The following WFS1 variants were observed in gnomAD, a reference collection of about 807,000 sequenced individuals.
WFS1 encodes wolframin.
WFS1 carries 90 observed loss-of-function variants against 68.5 expected under a neutral mutation model. The ratio of observed to expected loss-of-function variants is 1.31; its 90% CI spans 1.11 to 1.56. The LOEUF is 1.56. Ranked by LOEUF, WFS1 falls within the 40% of genes most tolerant of loss-of-function variation. The pLI is 0.00. For missense variants in WFS1, 1,767 were observed against 1,232.6 expected, an observed-to-expected ratio of 1.43 and a Z score of -6.49; for synonymous variants, 860 against 540.7, an observed-to-expected ratio of 1.59 and a Z score of -8.19.
At chr4:6,278,146 C>T (rs1183763696) in intron 2 of WFS1, among the ~76,000 whole-genome samples, 1 of 152,224 alleles carries the variant, frequency 6.6e-6, no homozygotes, top group African/African-American at 2.4e-5. Context: ...CCTTCACCTC[C>T]ATCCTGAGGC....
Position 6,291,953 on chromosome 4 carries a change from T to C in WFS1, c.668T>C (p.Leu223Pro). 1 of 1,611,304 alleles carries C rather than the reference T, an allele frequency of 6.2e-7. No individual in the cohort carries two copies. Among genetic ancestry groups the C allele is most frequent in the Non-Finnish European group, 8.5e-7 (1 of 1,179,416 alleles). ...GAQPGPVPKS[L>P]QKQRRMLERL... ...CAGCCAGGCCCCGTGCCCAAGTCCC[T>C]GCAGAAGCAGAGGCGCATGCTGGAG... Residue 223 changes from leucine (L) to proline (P), a missense_variant, in exon 6 of 8, where the codon CTG becomes CCG. Physicochemically the swap from Leu to Pro is moderately conservative, Grantham distance 98 (BLOSUM62 -3). Coordinates refer to ENST00000226760, the MANE Select transcript of WFS1 (RefSeq NM_006005.3).
chr4:6,299,499 T>C, intron 7 of WFS1, among the ~76,000 whole-genome samples: 2 of 144,938 alleles, frequency 1.4e-5, no homozygotes, highest in African/African-American at 5.4e-5. Flanking sequence ...CACGTGTGTG[T>C]AGGGGTGGGT....
intron 7 of WFS1, among the ~76,000 whole-genome samples, chr4:6,299,570 C>T (rs1309819205): frequency 2.8e-5 from 1 of 36,036 alleles, no homozygotes. Flanking sequence ...GGGTGGGTTG[C>T]GTGTGTGTGA....
chr4:6,300,554 C>T (rs1178304974), intron 7 of WFS1, 103 bp from the exon 8 acceptor site: 23 of 1,542,594 alleles, frequency 1.5e-5, no homozygotes, highest in South Asian at 5.9e-5. Flanking sequence ...CGCAAGGGTG[C>T]GGGTTCCTTT....
chr4:6,301,852 C>T lies in WFS1; in HGVS notation c.2057C>T (p.Thr686Ile), dbSNP rs762044038. 1.5e-5 allele frequency: 24 copies of T among 1,612,904 alleles called. No individual in the cohort carries two copies. The highest frequency in any genetic ancestry group is 1.9e-5 in the Non-Finnish European group (23 of 1,179,908). ...TGGAAGGAGACCAACATGGCGCGCA[C>T]CCAGATCCTCTGCAGCCACCTGGAG... is the stretch of plus-strand genomic sequence containing the variant. ...RAWKETNMAR[T>I]QILCSHLEGH... The change falls in exon 8 of 8, where the codon ACC becomes ATC. Residue 686 changes from threonine to isoleucine, a missense_variant. Coordinates refer to ENST00000226760, the MANE Select transcript of WFS1 (RefSeq NM_006005.3).
In WFS1 at chr4:6,287,294, C is replaced by T. The variant is rs1730342730; in HGVS notation, c.315+119C>T. 3.3e-6 allele frequency: 3 copies of T among 898,216 alleles called. No homozygotes were observed. The highest frequency in any genetic ancestry group is 1.4e-5 in the South Asian group (1 of 70,328). The allele number at this position is 898,216 out of a possible 1,614,324, so 55.6% of individuals were successfully genotyped here. On this transcript the variant is annotated intron_variant, in intron 3 of 7. Coordinates refer to ENST00000226760, the MANE Select transcript of WFS1 (RefSeq NM_006005.3). The surrounding 1 kb of genome is among the most constrained non-coding windows in gnomAD (Gnocchi z 6.4). ...GCCTGAGATCGGGGTCAGGAGCCAG[C>T]GTGGTGCACCCTACCCCACTTGAGC...
intron 2 of WFS1, among the ~76,000 whole-genome samples, chr4:6,286,014 G>T (rs1578592483): frequency 1.3e-5 from 2 of 152,186 alleles, no homozygotes; most frequent in African/African-American, 2.4e-5. Context: ...CTTCCCAAAA[G>T]AAAAGAAACG....
At position 6,301,807 on chromosome 4, in the gene WFS1, C is replaced by A; in HGVS notation, c.2012C>A (p.Ala671Glu). ...NSTLTWQQYGALCGPRAWKET... is the reference protein window; with the variant it reads ...NSTLTWQQYGELCGPRAWKET... ...ACACTGACCTGGCAGCAGTATGGTG[C>A]GCTGTGCGGGCCACGCGCCTGGAAG... Residue 671 changes from alanine (A) to glutamate (E), a missense_variant, in exon 8 of 8, where the codon GCG becomes GAG. Physicochemically the swap from Ala to Glu is moderately radical, Grantham distance 107. Coordinates refer to ENST00000226760, the MANE Select transcript of WFS1 (RefSeq NM_006005.3). 6.2e-7 allele frequency: 1 copy of A among 1,613,206 alleles called. No individual in the cohort carries two copies. The highest frequency in any genetic ancestry group is 1.1e-5 in the South Asian group (1 of 91,084).
rs373415359 is a variant in WFS1, at chr4:6,292,160, C to A, written c.712+163C>A. 5.9e-5 allele frequency among the ~76,000 whole-genome samples: 9 copies of A among 152,318 alleles called. No individual in the cohort carries two copies. The East Asian group carries it at 1.7e-3, about 29-fold the overall frequency. ...TCCTTCCTGTGCGACCCCATCCTGG[C>A]CCTGCTAGGATCTCAGGCGGTCCGT... On this transcript the variant is annotated intron_variant, in intron 6 of 7. Transcript: ENST00000226760.
At position 6,301,305 on chromosome 4, in the gene WFS1, C is replaced by T; in HGVS notation, c.1510C>T (p.Pro504Ser). 6.2e-7 allele frequency: 1 copy of T among 1,611,436 alleles called. No individual in the cohort carries two copies. Among genetic ancestry groups the T allele is most frequent in the Non-Finnish European group, 8.5e-7 (1 of 1,180,022 alleles). ...GHLVVLNVSV[P>S]CLLYVYLLYL... The stretch of plus-strand genomic sequence containing the variant: ...CCTGGTCGTCCTCAACGTCAGCGTC[C>T]CGTGCCTGCTCTATGTCTACCTGCT... Residue 504 changes from proline (P) to serine (S), a missense_variant, in exon 8 of 8, where the codon CCG becomes TCG. By Grantham distance (74) the Pro-to-Ser change is moderately conservative. Transcript: ENST00000226760.
chr4:6,301,493 C>CCTCTTT lies in WFS1; in HGVS notation c.1699_1704dup (p.Leu567_Phe568dup). The CCTCTTT allele has an allele frequency of 6.2e-7, 1 of 1,613,326 alleles. No homozygotes were observed. The highest frequency in any genetic ancestry group is 8.5e-7 in the Non-Finnish European group (1 of 1,179,938). On this transcript the variant is annotated inframe_insertion, in exon 8 of 8. Coordinates refer to ENST00000226760, the MANE Select transcript of WFS1 (RefSeq NM_006005.3). ...GCGCCTCCATCGGCTACTTCCTCTT[C>CCTCTTT]CTCTTTGCCCTCCCCATCCTGGTGG...
In WFS1 at chr4:6,302,054, G is replaced by C. The variant is rs1024001621; in HGVS notation, c.2259G>C (p.Glu753Asp). ...GCAACACCTCCACGGCCGAGGAGGA[G>C]CTCTGTCGCCTTAAGCTGCTGGCCA... ...SPGNTSTAEE[E>D]LCRLKLLAKH... Residue 753 changes from glutamate to aspartate, a missense_variant, in exon 8 of 8, where the codon GAG (glutamate) becomes GAC (aspartate). Physicochemically the swap from Glu to Asp is conservative, Grantham distance 45. Transcript: ENST00000226760. 3.7e-6 allele frequency: 6 copies of C among 1,612,768 alleles called. No individual in the cohort carries two copies. In the Admixed American group the frequency reaches 5.0e-5, roughly 13 times the overall value.
rs376348584 is a variant in WFS1 at position 6,277,790 on chromosome 4, C to T, written c.232+103C>T. 118 of 1,309,342 alleles carry T rather than the reference C, an allele frequency of 9.0e-5. No individual in the cohort carries two copies. In the East Asian group the frequency reaches 1.9e-3, roughly 21 times the overall value. The allele number at this position is 1,309,342 out of a possible 1,614,324, so 81.1% of individuals were successfully genotyped here. A position where few individuals can be genotyped will look rare whatever the true frequency, so the allele number is the denominator to read the frequency against. ...GAGGGTCCCCCCGCCAGGTCCTCTG[C>T]AGTTCAGCATTGTGCAGCTCCCATG... On this transcript the variant is annotated intron_variant, in intron 2 of 7. Coordinates refer to ENST00000226760, the MANE Select transcript of WFS1 (RefSeq NM_006005.3).
rs367703794 is a variant in WFS1 at position 6,288,839 on chromosome 4, G to A, written c.316-148G>A. On this transcript the variant is annotated intron_variant, in intron 3 of 7. Transcript: ENST00000226760. ...CGGAGGCTCAGTAGGGCCTAGCCTA[G>A]TGGACATGCCTGGTGTGACCCCATT... 6.6e-6 allele frequency: 8 copies of A among 1,221,232 alleles called. No homozygotes were observed. The African/African-American group carries it at 7.5e-5, about 11-fold the overall frequency. 75.6% of individuals were successfully genotyped at this position (1,221,232 alleles called of 1,614,324 possible). A position where few individuals can be genotyped will look rare whatever the true frequency, so the allele number is the denominator to read the frequency against.
Position 6,288,840 on chromosome 4 carries a change from T to C in WFS1, c.316-147T>C, listed in dbSNP as rs1730383762. ...GGAGGCTCAGTAGGGCCTAGCCTAG[T>C]GGACATGCCTGGTGTGACCCCATTT... is the stretch of plus-strand genomic sequence containing the variant. On this transcript the variant is annotated intron_variant, in intron 3 of 7. Coordinates refer to ENST00000226760, the MANE Select transcript of WFS1 (RefSeq NM_006005.3). 3.3e-6 allele frequency: 4 copies of C among 1,218,044 alleles called. No homozygotes were observed. In the South Asian group the frequency reaches 3.9e-5, roughly 12 times the overall value. The allele number at this position is 1,218,044 out of a possible 1,614,324, so 75.5% of individuals were successfully genotyped here.
chr4:6,295,614 C>A (rs1157824447), intron 7 of WFS1, among the ~76,000 whole-genome samples: 2 of 152,206 alleles, frequency 1.3e-5, no homozygotes, highest in Admixed American at 6.5e-5. Flanking sequence ...TCCGTCAGGC[C>A]AGGGAGGACG....
rs756869880 is a variant in WFS1, at chr4:6,301,005, C to G, written c.1210C>G (p.Pro404Ala). Residue 404 changes from proline to alanine, a missense_variant, in exon 8 of 8, where the codon CCC becomes GCC. Transcript: ENST00000226760. ...EVNFGWNHLE[P>A]YAHFLLSVFF... ...CAACTTCGGCTGGAACCACCTGGAG[C>G]CCTATGCCCATTTCCTGCTCTCTGT... The G allele has an allele frequency of 1.9e-6, 3 of 1,614,024 alleles. No homozygotes were observed. Among genetic ancestry groups the G allele is most frequent in the East Asian group, 2.2e-5 (1 of 44,876 alleles).
At chr4:6,275,626 C>T (rs1729972508) in intron 1 of WFS1, among the ~76,000 whole-genome samples, 1 of 147,186 alleles carries the variant, frequency 6.8e-6, no homozygotes, top group South Asian at 2.2e-4. Context: ...CTTGACCATG[C>T]ATGGTTTGCA....
intron 7 of WFS1, 76 bp from the exon 8 acceptor site, chr4:6,300,581 G>A (rs914965306): frequency 4.4e-6 from 7 of 1,600,578 alleles, no homozygotes; most frequent in East Asian, 4.5e-5. Flanking sequence ...GAGGCAGGGT[G>A]GTCAGAGGGA....
Sources: allele counts gnomAD v4.1 joint callset (sites outside exome capture counted in the v4.1 genomes callset), GRCh38; gene constraint gnomAD v4.1.1; non-coding constraint Gnocchi (gnomAD v3.1); transcripts MANE v1.5; gene names NCBI Gene and HGNC (gene_info 2026-07-23, HGNC 2026-07-21).